The following ZBTB16 variants were observed in gnomAD, a reference collection of about 807,000 sequenced individuals.
ZBTB16 encodes the protein zinc finger and BTB domain containing 16.
Under a neutral mutation model 56.8 loss-of-function variants are expected in ZBTB16, and 8 were observed. The ratio of observed to expected loss-of-function variants is 0.14; its 90% CI spans 0.08 to 0.25. ZBTB16 has a LOEUF of 0.25. Among genes scored for constraint, ZBTB16 ranks in the 10% least tolerant of loss-of-function variants. ZBTB16 has a pLI of 1.00. For missense variants in ZBTB16, 625 were observed against 903.0 expected (o/e 0.69, Z 3.95); for synonymous variants, 363 against 368.5 (o/e 0.98, Z 0.17).
rs1944905456 is a variant in ZBTB16, at chr11:114,250,821, A to C, written c.*266A>C. ...TGGGATGGGGTTGGGTATTTTGTTCACTCAAATGGTGGCACATTTTTCTCC... is the reference window on the plus strand; with the variant it reads ...TGGGATGGGGTTGGGTATTTTGTTCCCTCAAATGGTGGCACATTTTTCTCC... On this transcript the variant is annotated 3_prime_UTR_variant, in exon 7 of 7. Coordinates refer to ENST00000335953, the MANE Select transcript of ZBTB16 (RefSeq NM_006006.6). This position sits in a 1 kb window ranked among gnomAD's most constrained non-coding sequence, Gnocchi z 6.0. 1 of 542,508 alleles carries C rather than the reference A, an allele frequency of 1.8e-6. No individual in the cohort carries two copies. The highest frequency in any genetic ancestry group is 2.1e-5 in the South Asian group (1 of 48,376). The allele number at this position is 542,508 out of a possible 1,614,324, so 33.6% of individuals were successfully genotyped here.
intron 4 of ZBTB16, among the ~76,000 whole-genome samples, chr11:114,210,206 T>TGCGTGC (rs141588183): frequency 2.5e-5 from 3 of 118,052 alleles, no homozygotes. Flanking sequence ...TGCGCGCGCG[T>TGCGTGC]GCACAGTTTG....
At chr11:114,073,792 G>A (rs193279813) in intron 2 of ZBTB16, among the ~76,000 whole-genome samples, 39 of 152,310 alleles carry the variant, frequency 2.6e-4, no homozygotes, top group African/African-American at 8.9e-4. Flanking sequence ...GCCATTTGAA[G>A]TGGTTTTTAG....
intron 3 of ZBTB16, among the ~76,000 whole-genome samples, chr11:114,177,051 G>A (rs1042720158): frequency 1.3e-5 from 2 of 151,182 alleles, no homozygotes; most frequent in East Asian, 3.9e-4. Flanking sequence ...TGTAGGCTGT[G>A]GCCAGGAGCT....
intron 2 of ZBTB16, among the ~76,000 whole-genome samples, chr11:114,075,354 T>C (rs922104527): frequency 4.6e-5 from 7 of 152,182 alleles, no homozygotes; most frequent in Non-Finnish European, 1.0e-4. Context: ...AGGTGATGTA[T>C]AGAGAATACA....
At chr11:114,112,942 T>A (rs904290219) in intron 2 of ZBTB16, among the ~76,000 whole-genome samples, 5 of 152,172 alleles carry the variant, frequency 3.3e-5, no homozygotes, top group Admixed American at 2.0e-4. Flanking sequence ...TTAAATTTTT[T>A]AAAATTTTTT....
chr11:114,154,901 A>G (rs532682751), intron 2 of ZBTB16, among the ~76,000 whole-genome samples: 47 of 152,326 alleles, frequency 3.1e-4, no homozygotes, highest in African/African-American at 1.0e-3. Flanking sequence ...GCTGGTCCTC[A>G]TGCTGTGGGA....
chr11:114,183,101 TG>T (rs569217477), intron 3 of ZBTB16, among the ~76,000 whole-genome samples: 6 of 146,366 alleles, frequency 4.1e-5, no homozygotes, highest in African/African-American at 1.3e-4. Context: ...CCTGGAGAGC[TG>T]GGGGGGAAGT....
intron 2 of ZBTB16, among the ~76,000 whole-genome samples, chr11:114,095,330 G>A (rs1275185012): frequency 5.8e-5 from 8 of 137,184 alleles, no homozygotes; most frequent in African/African-American, 1.4e-4. Flanking sequence ...GCTCGATCTC[G>A]GCTCACTGCA....
At chr11:114,104,204 A>C (rs238927) in intron 2 of ZBTB16, among the ~76,000 whole-genome samples, 1 of 152,242 alleles carries the variant, frequency 6.6e-6, no homozygotes, top group South Asian at 2.1e-4. Flanking sequence ...ACTGGGACCT[A>C]ACCATGTTCT....
chr11:114,096,928 A>G (rs1940435019), intron 2 of ZBTB16, among the ~76,000 whole-genome samples: 1 of 152,146 alleles, frequency 6.6e-6, no homozygotes, highest in Admixed American at 6.5e-5. Flanking sequence ...TGGGAGTGTT[A>G]TGTGTATACA....
chr11:114,073,039 G>A (rs1939406814), intron 2 of ZBTB16, among the ~76,000 whole-genome samples: 1 of 141,794 alleles, frequency 7.1e-6, no homozygotes, highest in Non-Finnish European at 1.5e-5. Context: ...CTGGGCAAAG[G>A]AGTGAGACTG....
rs1187865108 is a variant in ZBTB16 at position 114,064,477 on chromosome 11, G to A, written c.1177G>A (p.Val393Met). 3.1e-6 allele frequency: 5 copies of A among 1,614,048 alleles called. No individual in the cohort carries two copies. The highest frequency in any genetic ancestry group is 3.4e-6 in the Non-Finnish European group (4 of 1,180,044). Residue 393 changes from valine (V) to methionine (M), a missense_variant, in exon 2 of 7, where the codon GTG (valine) becomes ATG (methionine). Transcript: ENST00000335953. This position sits in a 1 kb window ranked among gnomAD's most constrained non-coding sequence, Gnocchi z 4.2. ...GTTCAGCAAGCTGGGGGAGCTGGCT[G>A]TGGGCATGAAGTCAGAGAGCCGGAC... ...ELFSKLGELA[V>M]GMKSESRTIG... is the part of the protein sequence containing the mutation.
intron 3 of ZBTB16, among the ~76,000 whole-genome samples, chr11:114,180,487 A>G (rs1011832797): frequency 2.6e-5 from 4 of 152,156 alleles, no homozygotes; most frequent in Non-Finnish European, 5.9e-5. Flanking sequence ...GGGAGCAGAC[A>G]TGCTGATGAG....
chr11:114,162,205 T>A lies in ZBTB16; in HGVS notation c.1366+5771T>A, dbSNP rs367750418. 1.6e-4 allele frequency among the ~76,000 whole-genome samples: 25 copies of A among 152,330 alleles called. No individual in the cohort carries two copies. In the East Asian group the frequency reaches 4.8e-3, roughly 29 times the overall value. ...GGCTGGAGGAGTCCTTCAGATTGGA[T>A]CTCTTAGGCTTTCCTCTGTCGCGGT... On this transcript the variant is annotated intron_variant, in intron 3 of 6. Coordinates refer to ENST00000335953, the MANE Select transcript of ZBTB16 (RefSeq NM_006006.6).
At position 114,059,934 on chromosome 11, in the gene ZBTB16, G is replaced by A; in HGVS notation, c.-91+52G>A. On this transcript the variant is annotated intron_variant, in intron 1 of 6. Transcript: ENST00000335953. This position sits in a 1 kb window ranked among gnomAD's most constrained non-coding sequence, Gnocchi z 5.3. ...ACCGCCCAGCGAGCGCCGCGCGCCG[G>A]GGCTTCCCGGGGCTGGAGAGGTCTG... is the stretch of plus-strand genomic sequence containing the variant. The A allele has an allele frequency of 2.5e-6, 1 of 395,972 alleles. No homozygotes were observed. The highest frequency in any genetic ancestry group is 3.6e-5 in the East Asian group (1 of 27,916). 24.5% of individuals were successfully genotyped at this position (395,972 alleles called of 1,614,324 possible). A position where few individuals can be genotyped will look rare whatever the true frequency, so the allele number is the denominator to read the frequency against.
intron 3 of ZBTB16, among the ~76,000 whole-genome samples, chr11:114,183,969 C>T (rs900532021): frequency 7.9e-5 from 12 of 152,230 alleles, no homozygotes; most frequent in African/African-American, 2.4e-4. Flanking sequence ...CTGAGGATGC[C>T]CTGTGGCGTG....
At chr11:114,223,771 C>T (rs1944282255) in intron 4 of ZBTB16, among the ~76,000 whole-genome samples, 1 of 152,082 alleles carries the variant, frequency 6.6e-6, no homozygotes, top group Non-Finnish European at 1.5e-5. Context: ...TGAGCAACCT[C>T]CAACTTGGAT....
intron 2 of ZBTB16, among the ~76,000 whole-genome samples, chr11:114,094,019 T>G (rs1312697745): frequency 6.6e-6 from 1 of 152,202 alleles, no homozygotes; most frequent in East Asian, 1.9e-4. Flanking sequence ...CTTAAAAATA[T>G]TTTTGACTTT....
At chr11:114,215,407 C>A (rs1349134899) in intron 4 of ZBTB16, among the ~76,000 whole-genome samples, 1 of 152,158 alleles carries the variant, frequency 6.6e-6, no homozygotes, top group Admixed American at 6.5e-5. Flanking sequence ...CCCTGCCAGT[C>A]CAGGATGACC....
Sources: gnomAD v4.1 joint callset for allele counts (sites outside exome capture counted in the v4.1 genomes callset) on GRCh38, gnomAD v4.1.1 for gene constraint, Gnocchi (gnomAD v3.1) non-coding constraint, MANE v1.5 for transcripts, NCBI Gene and HGNC (gene_info 2026-07-23, HGNC 2026-07-21) for gene names.